Variants in ZNF710 observed in about 807,000 individuals in gnomAD.
ZNF710 encodes the protein zinc finger protein 710.
ZNF710 carries 13 observed loss-of-function variants against 50.6 expected under a neutral mutation model. The ratio of observed to expected loss-of-function variants is 0.26; its 90% CI spans 0.17 to 0.41. The LOEUF (loss-of-function observed/expected upper bound fraction) is 0.41. ZNF710 is among the 10% of genes least tolerant of loss of function. ZNF710 has a pLI of 1.00. For synonymous variants in ZNF710, 383 were observed against 397.0 expected (o/e 0.96, Z 0.42); for missense variants, 721 against 936.6 (o/e 0.77, Z 3.01).
intron 1 of ZNF710, among the ~76,000 whole-genome samples, chr15:90,004,411 A>T (rs1267189049): frequency 6.6e-6 from 1 of 152,184 alleles, no homozygotes; most frequent in East Asian, 1.9e-4. Context: ...ACCAGTGCTG[A>T]TGCTTGGCGC....
chr15:90,045,528 G>A (rs1425648494), intron 1 of ZNF710, among the ~76,000 whole-genome samples: 1 of 152,168 alleles, frequency 6.6e-6, no homozygotes, highest in African/African-American at 2.4e-5. Flanking sequence ...GAGCCCAGGG[G>A]CCGCTGGGAT....
intron 1 of ZNF710, among the ~76,000 whole-genome samples, chr15:90,056,074 C>G (rs1284492212): frequency 1.3e-5 from 2 of 149,498 alleles, no homozygotes; most frequent in African/African-American, 5.0e-5. Context: ...CAAGATCACA[C>G]CACTACATTC....
chr15:90,021,160 G>T (rs74755812), intron 1 of ZNF710, among the ~76,000 whole-genome samples: 1 of 152,164 alleles, frequency 6.6e-6, no homozygotes, highest in East Asian at 1.9e-4. Context: ...TCTCAACTGC[G>T]TCCTTTGTTG....
chr15:90,006,342 G>A (rs1898140619), intron 1 of ZNF710, among the ~76,000 whole-genome samples: 1 of 152,092 alleles, frequency 6.6e-6, no homozygotes, highest in African/African-American at 2.4e-5. Flanking sequence ...TTTTGGCCTT[G>A]ATACCACCAG....
intron 1 of ZNF710, among the ~76,000 whole-genome samples, chr15:90,008,427 T>TGTATATATATATATACATATATATATAC (rs1491372581): frequency 7.4e-6 from 1 of 135,090 alleles, no homozygotes; most frequent in African/African-American, 3.3e-5. Flanking sequence ...TGTGTGTGTG[T>TGTATATATATATATACATATATATATAC]ATATATATAT....
intron 1 of ZNF710, among the ~76,000 whole-genome samples, chr15:90,042,775 C>T (rs190695076): frequency 3.3e-5 from 5 of 152,288 alleles, no homozygotes; most frequent in East Asian, 3.9e-4. Flanking sequence ...TTTGCCGGCA[C>T]GATCTGGTGT....
rs536762127 is a variant in ZNF710, at chr15:90,056,345, C to T, written c.-28-10765C>T. 1.5e-4 allele frequency among the ~76,000 whole-genome samples: 23 copies of T among 151,958 alleles called. No homozygotes were observed. The East Asian group carries it at 3.5e-3, about 23-fold the overall frequency. The stretch of plus-strand genomic sequence containing the variant: ...AGGAGAATCAATTGAATCCAGAAGG[C>T]GGAGGTTGCGGTGAGCCGAGATCAT... On this transcript the variant is annotated intron_variant, in intron 1 of 4. Transcript: ENST00000268154.
chr15:90,029,435 C>G (rs891413209), intron 1 of ZNF710, among the ~76,000 whole-genome samples: 5 of 152,260 alleles, frequency 3.3e-5, no homozygotes, highest in Non-Finnish European at 4.4e-5. Flanking sequence ...AACTCCAACT[C>G]AAACGGGAAT....
At chr15:90,044,095 T>C (rs1899384258) in intron 1 of ZNF710, among the ~76,000 whole-genome samples, 2 of 152,210 alleles carry the variant, frequency 1.3e-5, no homozygotes, top group South Asian at 2.1e-4. Context: ...AAAAACCTGT[T>C]GAAGACACTG....
intron 1 of ZNF710, among the ~76,000 whole-genome samples, chr15:90,004,974 G>A (rs1168783638): frequency 6.6e-6 from 1 of 152,176 alleles, no homozygotes; most frequent in Non-Finnish European, 1.5e-5. Context: ...TAGTCATCGG[G>A]ATTTTCTCAC....
rs1301624079 is a variant in ZNF710, at chr15:90,036,387, C to G, written c.-28-30723C>G. Among the ~76,000 whole-genome samples the G allele has an allele frequency of 1.3e-5, 2 of 152,174 alleles. 1 individual carries two copies. Among genetic ancestry groups the G allele is most frequent in the East Asian group, 3.8e-4 (2 of 5,196 alleles). ...TCCTTTGAATGACACCAGGCGAGTG[C>G]TCCTTGGGTTTCCGAAGCCTCTCTC... On this transcript the variant is annotated intron_variant, in intron 1 of 4. Transcript: ENST00000268154.
chr15:90,027,330 C>A (rs1226625597), intron 1 of ZNF710, among the ~76,000 whole-genome samples: 3 of 152,038 alleles, frequency 2.0e-5, no homozygotes, highest in African/African-American at 7.2e-5. Context: ...CCTGCCTCAG[C>A]CTCCCAAGTA....
intron 1 of ZNF710, among the ~76,000 whole-genome samples, chr15:90,053,097 CAT>C (rs1400492728): frequency 6.6e-6 from 1 of 152,230 alleles, no homozygotes. Context: ...GGCACAGACA[CAT>C]GGGTGGGAAA....
upstream of ZNF710, among the ~76,000 whole-genome samples, chr15:89,999,688 G>C (rs910333389): frequency 6.6e-6 from 1 of 152,056 alleles, no homozygotes; most frequent in African/African-American, 2.4e-5. Context: ...CCGTGGCCTT[G>C]GGGCTCTCGT....
At chr15:90,036,026 A>T (rs1323812231) in intron 1 of ZNF710, among the ~76,000 whole-genome samples, 3 of 152,086 alleles carry the variant, frequency 2.0e-5, no homozygotes, top group Non-Finnish European at 4.4e-5. Flanking sequence ...TTGGTAGAAG[A>T]GCTGCTTGGC....
At chr15:90,060,421 G>A (rs1899970931) in intron 1 of ZNF710, among the ~76,000 whole-genome samples, 2 of 152,142 alleles carry the variant, frequency 1.3e-5, no homozygotes, top group South Asian at 2.1e-4. Flanking sequence ...AGGTGTGGTG[G>A]CACATGCCTT....
chr15:90,008,424 GTGTATATATATATATACATATATATATA>G (rs1596261843), intron 1 of ZNF710, among the ~76,000 whole-genome samples: 1 of 126,328 alleles, frequency 7.9e-6, no homozygotes, highest in African/African-American at 3.8e-5. Context: ...GTGTGTGTGT[GTGTATATATATATATACATATATATATA>G]TGTATATATA....
chr15:90,067,533 C>T lies in ZNF710; in HGVS notation c.396C>T (p.Asp132=), dbSNP rs748311081. 17 of 1,613,040 alleles carry T rather than the reference C, an allele frequency of 1.1e-5. No homozygotes were observed. The highest frequency in any genetic ancestry group is 5.0e-5 in the Admixed American group (3 of 59,884). ...TTTCTGTGCCAGGTGACGACAAGGA[C>T]GCAGGGCCAGCAGAAGCCCCCGCCG... ...YEVSVPGDDK[D]AGPAEAPAEA... Residue 132 remains aspartate, a synonymous_variant, in exon 2 of 5, where the codon GAC becomes GAT. Coordinates refer to ENST00000268154, the MANE Select transcript of ZNF710 (RefSeq NM_198526.4). This position sits in a 1 kb window ranked among gnomAD's most constrained non-coding sequence, Gnocchi z 8.1.
chr15:90,029,905 G>A (rs569428034), intron 1 of ZNF710, among the ~76,000 whole-genome samples: 109 of 151,160 alleles, frequency 7.2e-4, no homozygotes, highest in African/African-American at 2.4e-3. Context: ...GTGACCCACC[G>A]TGCCTGGCCA....
Sources: allele counts gnomAD v4.1 joint callset (sites outside exome capture counted in the v4.1 genomes callset), GRCh38; gene constraint gnomAD v4.1.1; non-coding constraint Gnocchi (gnomAD v3.1); transcripts MANE v1.5; gene names NCBI Gene and HGNC (gene_info 2026-07-23, HGNC 2026-07-21).